Variants in PDE4D observed in about 807,000 individuals in gnomAD.
PDE4D encodes the protein phosphodiesterase 4D.
PDE4D carries 24 observed loss-of-function variants against 87.4 expected under a neutral mutation model. The ratio of observed to expected loss-of-function variants is 0.27; its 90% CI spans 0.20 to 0.39. The LOEUF (loss-of-function observed/expected upper bound fraction) is 0.39, where lower values mean the gene tolerates loss of function less well. Ranked by LOEUF, PDE4D falls within the 10% of genes least tolerant of loss-of-function variation. The pLI, the probability that PDE4D is intolerant of heterozygous loss-of-function variation, is 1.00. For synonymous variants in PDE4D, 384 were observed against 383.2 expected (o/e 1.00, Z -0.02); for missense variants, 714 against 1,041.0 (o/e 0.69, Z 4.32).
At chr5:60,167,243 C>T (rs2961902) in intron 2 of PDE4D, among the ~76,000 whole-genome samples, 87,685 of 147,128 alleles carry the variant, frequency 0.6, 26,814 homozygotes, top group Non-Finnish European at 0.63. Flanking sequence ...TTCATTCTTT[C>T]CTCTCCTTGA....
At chr5:59,849,059 T>C (rs2152715725) in intron 1 of PDE4D, among the ~76,000 whole-genome samples, 1 of 152,168 alleles carries the variant, frequency 6.6e-6, no homozygotes, top group African/African-American at 2.4e-5. Flanking sequence ...GTCCAGAATA[T>C]GAAACCTGTA....
At chr5:59,108,955 A>ATG (rs57004711) in intron 5 of PDE4D, among the ~76,000 whole-genome samples, 10,200 of 121,486 alleles carry the variant, frequency 0.084, 493 homozygotes, top group African/African-American at 0.13. Flanking sequence ...TAGGAACTCA[A>ATG]TGTGTGTGTG....
chr5:60,350,928 C>T (rs529141541), intron 1 of PDE4D, among the ~76,000 whole-genome samples: 1 of 152,158 alleles, frequency 6.6e-6, no homozygotes, highest in South Asian at 2.1e-4. Flanking sequence ...AGAACATGAG[C>T]CAAGGTTCAG....
chr5:60,327,436 G>A (rs1756901938), intron 1 of PDE4D, among the ~76,000 whole-genome samples: 1 of 151,326 alleles, frequency 6.6e-6, no homozygotes, highest in Non-Finnish European at 1.5e-5. Context: ...GTTTTCAGGG[G>A]GAAGAAAAAG....
chr5:60,442,252 A>C (rs1467755459), intron 1 of PDE4D, among the ~76,000 whole-genome samples: 1 of 152,230 alleles, frequency 6.6e-6, no homozygotes, highest in Non-Finnish European at 1.5e-5. Flanking sequence ...ATGGAATACT[A>C]TGCGGTCATA....
chr5:60,387,152 A>T (rs1762247362), intron 1 of PDE4D, among the ~76,000 whole-genome samples: 1 of 152,248 alleles, frequency 6.6e-6, no homozygotes, highest in African/African-American at 2.4e-5. Flanking sequence ...AGTAACAAGG[A>T]CAAGGTGATC....
intron 5 of PDE4D, among the ~76,000 whole-genome samples, chr5:59,110,483 C>A (rs1772425678): frequency 6.6e-6 from 1 of 152,252 alleles, no homozygotes; most frequent in Admixed American, 6.5e-5. Context: ...TGTTGATGAA[C>A]ACTGCCTAGG....
chr5:59,964,198 T>G (rs1759760656), intron 3 of PDE4D, among the ~76,000 whole-genome samples: 1 of 152,204 alleles, frequency 6.6e-6, no homozygotes, highest in Admixed American at 6.5e-5. Context: ...ACAATCTGCC[T>G]GCTATGTTCT....
chr5:59,591,680 T>C (rs1825941522), intron 1 of PDE4D, among the ~76,000 whole-genome samples: 1 of 152,178 alleles, frequency 6.6e-6, no homozygotes, highest in South Asian at 2.1e-4. Context: ...GTCTCCATTC[T>C]TTCAAGAGGC....
At chr5:59,680,574 G>C (rs1477593957) in intron 1 of PDE4D, among the ~76,000 whole-genome samples, 1 of 152,118 alleles carries the variant, frequency 6.6e-6, no homozygotes, top group Admixed American at 6.5e-5. Flanking sequence ...ACCGTGAAGT[G>C]AGTGGAAGTG....
At chr5:59,413,303 A>G (rs1305455814) in intron 1 of PDE4D, among the ~76,000 whole-genome samples, 1 of 151,680 alleles carries the variant, frequency 6.6e-6, no homozygotes, top group Non-Finnish European at 1.5e-5. Flanking sequence ...TAAAAATACA[A>G]AAAAATTAGC....
rs193108342 is a variant in PDE4D, at chr5:59,505,406, G to A, written c.456-289438C>T. Among the ~76,000 whole-genome samples the A allele has an allele frequency of 2.0e-4, 31 of 152,286 alleles. No individual in the cohort carries two copies. In the East Asian group the frequency reaches 6.0e-3, roughly 29 times the overall value. On this transcript the variant is annotated intron_variant, in intron 1 of 14. Transcript: ENST00000340635. ...GCCTACATTAGATTGGCCTCTTGCA[G>A]TGCATCAATATAAGGGTATGTGGTA...
At chr5:59,187,174 G>T (rs1001488207) in intron 3 of PDE4D, among the ~76,000 whole-genome samples, 43 of 152,074 alleles carry the variant, frequency 2.8e-4, no homozygotes, top group Admixed American at 2.8e-3. Context: ...GGAAACATCA[G>T]TCATGAAAAG....
intron 2 of PDE4D, among the ~76,000 whole-genome samples, chr5:59,195,423 C>A (rs1745253994): frequency 6.6e-6 from 1 of 152,168 alleles, no homozygotes; most frequent in Non-Finnish European, 1.5e-5. Context: ...GGCAGAGCAG[C>A]TGCCTAGATG....
At chr5:59,768,610 C>T in intron 1 of PDE4D, 2 of 1,543,994 alleles carry the variant, frequency 1.3e-6, no homozygotes, top group Non-Finnish European at 1.7e-6. Flanking sequence ...GAGCCTGCTG[C>T]TGTTAGTGCA....
intron 1 of PDE4D, among the ~76,000 whole-genome samples, chr5:59,608,057 T>G (rs1455603509): frequency 1.3e-5 from 2 of 152,146 alleles, no homozygotes; most frequent in Non-Finnish European, 1.5e-5. Context: ...GCATAAAAAT[T>G]CACACATGCC....
Position 60,400,541 on chromosome 5 carries a change from A to G in PDE4D, c.-90+87401T>C, listed in dbSNP as rs111248135. Among the ~76,000 whole-genome samples the G allele has an allele frequency of 3.8e-4, 57 of 149,980 alleles. 1 individual carries two copies. Among genetic ancestry groups the G allele is most frequent in the African/African-American group, 8.7e-4 (36 of 41,286 alleles). On this transcript the variant is annotated intron_variant, in intron 1 of 16. Coordinates refer to the PDE4D transcript ENST00000502484. ...CATCTCAAAAAAAAAAAAAAAAAAAAAAAGAAATATAAATTCTTATCAATC... is the reference window on the plus strand; with the variant it reads ...CATCTCAAAAAAAAAAAAAAAAAAAGAAAGAAATATAAATTCTTATCAATC...
chr5:60,342,934 G>A (rs941851005), intron 1 of PDE4D, among the ~76,000 whole-genome samples: 2 of 152,004 alleles, frequency 1.3e-5, no homozygotes, highest in African/African-American at 4.8e-5. Flanking sequence ...TATTCCTGGT[G>A]GGCCTATTAA....
At chr5:59,439,357 C>CAAAAAAA (rs3061710) in intron 1 of PDE4D, among the ~76,000 whole-genome samples, 4 of 72,544 alleles carry the variant, frequency 5.5e-5, no homozygotes, top group East Asian at 3.8e-4. Context: ...AAGACTCTGT[C>CAAAAAAA]AAAAAAAAAA....
Sources: gnomAD v4.1 joint callset for allele counts (sites outside exome capture counted in the v4.1 genomes callset) on GRCh38, gnomAD v4.1.1 for gene constraint, MANE v1.5 for transcripts, NCBI Gene and HGNC (gene_info 2026-07-23, HGNC 2026-07-21) for gene names.